Variants in NOL4 observed in about 807,000 individuals in gnomAD.
The protein encoded by NOL4 is cancer/testis antigen 125.
NOL4 carries 17 observed loss-of-function variants against 75.9 expected under a neutral mutation model. The observed-to-expected ratio is 0.22, with a 90% CI of 0.15 to 0.34. NOL4 has a LOEUF of 0.34. NOL4 is among the 10% of genes least tolerant of loss of function. NOL4 has a pLI of 1.00. For missense variants in NOL4, 614 were observed against 793.5 expected, an observed-to-expected ratio of 0.77 and a Z score of 2.72; for synonymous variants, 292 against 289.9, an observed-to-expected ratio of 1.01 and a Z score of -0.07.
At chr18:33,885,220 G>GA (rs2064564045) in intron 9 of NOL4, among the ~76,000 whole-genome samples, 1 of 152,034 alleles carries the variant, frequency 6.6e-6, no homozygotes, top group Non-Finnish European at 1.5e-5. Flanking sequence ...TGAAATTGGT[G>GA]TATGAACTAG....
At chr18:34,104,297 G>A (rs576720484) in intron 3 of NOL4, 138 bp from the exon 4 acceptor site, 289 of 577,536 alleles carry the variant, frequency 5.0e-4, no homozygotes, top group African/African-American at 3.8e-3. Context: ...ATAGTTGGAC[G>A]GTAGAAAAAA....
chr18:34,151,248 AAC>A (rs2081623741), intron 1 of NOL4, among the ~76,000 whole-genome samples: 1 of 151,892 alleles, frequency 6.6e-6, no homozygotes, highest in South Asian at 2.1e-4. Flanking sequence ...AGTCTACAAG[AAC>A]ACCTACACAC....
At chr18:34,059,600 C>T (rs918708542) in intron 5 of NOL4, among the ~76,000 whole-genome samples, 11 of 152,074 alleles carry the variant, frequency 7.2e-5, no homozygotes, top group Non-Finnish European at 4.4e-5. Context: ...AAAATGGCTT[C>T]AAATAATCTG....
rs376988455 is a variant in NOL4, at chr18:34,190,040, A to T, written c.264+32950T>A. Among the ~76,000 whole-genome samples, 8 of 148,842 alleles carry T rather than the reference A, an allele frequency of 5.4e-5. No homozygotes were observed. The South Asian group carries it at 8.4e-4, about 16-fold the overall frequency. On this transcript the variant is annotated intron_variant, in intron 1 of 10. Transcript: ENST00000261592. ...TGTTATATATATAACATATTATTTTATATATATTACTTATTTTATATCTAC... is the reference window on the plus strand; with the variant it reads ...TGTTATATATATAACATATTATTTTTTATATATTACTTATTTTATATCTAC...
chr18:34,060,590 G>T (rs2077030504), intron 5 of NOL4, among the ~76,000 whole-genome samples: 2 of 152,150 alleles, frequency 1.3e-5, no homozygotes, highest in African/African-American at 4.8e-5. Context: ...AGAAAGGGTT[G>T]CTTTGCTTGA....
intron 1 of NOL4, among the ~76,000 whole-genome samples, chr18:34,138,002 A>G (rs1167860752): frequency 6.6e-6 from 1 of 152,210 alleles, no homozygotes; most frequent in African/African-American, 2.4e-5. Flanking sequence ...ATAAGTACTG[A>G]TTCATCCATG....
intron 9 of NOL4, among the ~76,000 whole-genome samples, chr18:33,907,062 G>A (rs566755242): frequency 2.5e-4 from 38 of 152,118 alleles, no homozygotes; most frequent in Admixed American, 2.1e-3. Context: ...GGTGGCTCAC[G>A]CCTGTAATCC....
chr18:34,140,436 G>T (rs1003465294), intron 1 of NOL4, among the ~76,000 whole-genome samples: 3 of 152,124 alleles, frequency 2.0e-5, no homozygotes, highest in Non-Finnish European at 2.9e-5. Context: ...TTATGTAATG[G>T]CCTTCTTTGT....
At chr18:33,994,970 G>C (rs1332113753) in intron 6 of NOL4, among the ~76,000 whole-genome samples, 1 of 151,378 alleles carries the variant, frequency 6.6e-6, no homozygotes, top group African/African-American at 2.4e-5. Context: ...AAATAAAAAA[G>C]ACTATAAAGA....
At chr18:33,862,965 T>C (rs2063230667) in intron 10 of NOL4, among the ~76,000 whole-genome samples, 1 of 152,168 alleles carries the variant, frequency 6.6e-6, no homozygotes, top group Non-Finnish European at 1.5e-5. Flanking sequence ...TAAAGACACA[T>C]GCACACGTAT....
chr18:33,891,183 C>G (rs1358049871), intron 9 of NOL4, among the ~76,000 whole-genome samples: 2 of 151,972 alleles, frequency 1.3e-5, no homozygotes, highest in Non-Finnish European at 2.9e-5. Flanking sequence ...GTGATGCTCA[C>G]ATGGATTAAT....
intron 6 of NOL4, among the ~76,000 whole-genome samples, chr18:33,961,296 G>A (rs1168653483): frequency 6.6e-6 from 1 of 152,032 alleles, no homozygotes; most frequent in East Asian, 1.9e-4. Context: ...AAAACGGATT[G>A]TTCTTCACAG....
intron 5 of NOL4, among the ~76,000 whole-genome samples, chr18:34,070,338 T>C (rs1600477691): frequency 2.0e-5 from 3 of 152,200 alleles, no homozygotes; most frequent in African/African-American, 7.2e-5. Flanking sequence ...TTTTTTACAC[T>C]ATAAAGTTTC....
At chr18:33,878,154 C>T (rs1310431641) in intron 10 of NOL4, among the ~76,000 whole-genome samples, 2 of 152,014 alleles carry the variant, frequency 1.3e-5, no homozygotes, top group Non-Finnish European at 2.9e-5. Context: ...GGTTGAAAGT[C>T]AGGAAGGACT....
At chr18:33,873,459 T>C (rs2063790450) in intron 10 of NOL4, among the ~76,000 whole-genome samples, 1 of 152,008 alleles carries the variant, frequency 6.6e-6, no homozygotes, top group Non-Finnish European at 1.5e-5. Context: ...TTAAGCTTAA[T>C]AGATTTCAAA....
chr18:33,991,173 T>C (rs1400806020), intron 6 of NOL4, among the ~76,000 whole-genome samples: 1 of 151,970 alleles, frequency 6.6e-6, no homozygotes, highest in Non-Finnish European at 1.5e-5. Flanking sequence ...CCCCTCCACC[T>C]CTAGCTGACT....
At chr18:33,936,511 T>G (rs1378230362) in intron 9 of NOL4, among the ~76,000 whole-genome samples, 1 of 151,870 alleles carries the variant, frequency 6.6e-6, no homozygotes, top group Non-Finnish European at 1.5e-5. Context: ...AACGTGCCAT[T>G]TCCCCTTCCC....
At chr18:33,877,361 T>C (rs2063988765) in intron 10 of NOL4, among the ~76,000 whole-genome samples, 1 of 147,528 alleles carries the variant, frequency 6.8e-6, no homozygotes, top group Non-Finnish European at 1.5e-5. Flanking sequence ...GCACTTATAG[T>C]CCCAGCTACT....
chr18:33,870,272 C>A (rs1313784592), intron 10 of NOL4, among the ~76,000 whole-genome samples: 1 of 151,956 alleles, frequency 6.6e-6, no homozygotes, highest in Admixed American at 6.6e-5. Flanking sequence ...TGATCTCACT[C>A]ATATGTGGAA....
Sources: allele counts gnomAD v4.1 joint callset (sites outside exome capture counted in the v4.1 genomes callset), GRCh38; gene constraint gnomAD v4.1.1; transcripts MANE v1.5; gene names NCBI Gene and HGNC (gene_info 2026-07-23, HGNC 2026-07-21).